Variants in MARCHF6 observed in about 807,000 individuals in gnomAD.
The protein encoded by MARCHF6 is membrane associated ring-CH-type finger 6.
A neutral mutation model predicts 133.7 loss-of-function variants in MARCHF6; 31 were observed. That is an observed-to-expected ratio of 0.23 (90% CI 0.17 to 0.31). The LOEUF (loss-of-function observed/expected upper bound fraction) is 0.31, where lower values mean the gene tolerates loss of function less well. MARCHF6 is among the 10% of genes least tolerant of loss of function. MARCHF6 has a pLI of 1.00. For missense variants in MARCHF6, 723 were observed against 1,121.6 expected (o/e 0.64, Z 5.08); for synonymous variants, 395 against 402.5 (o/e 0.98, Z 0.22).
intron 24 of MARCHF6, 123 bp from the exon 25 acceptor site, chr5:10,429,770 A>G (rs531265292): frequency 4.1e-6 from 3 of 737,800 alleles, no homozygotes; most frequent in Admixed American, 2.7e-5. Flanking sequence ...GTAGAAAGTT[A>G]ACAGACCTGG....
chr5:10,420,216 G>A (rs1378872770), intron 22 of MARCHF6, among the ~76,000 whole-genome samples: 1 of 152,214 alleles, frequency 6.6e-6, no homozygotes, highest in Non-Finnish European at 1.5e-5. Flanking sequence ...ATGACCCCAT[G>A]TCAGAAGGCC....
At chr5:10,390,568 C>T (rs2126728304) in intron 6 of MARCHF6, 68 bp downstream of exon 6, 1 of 1,410,972 alleles carries the variant, frequency 7.1e-7, no homozygotes, top group Non-Finnish European at 9.7e-7. Context: ...CTCTCTGAGA[C>T]TCAAACTCTT....
chr5:10,375,166 C>T (rs1384679180), intron 1 of MARCHF6, among the ~76,000 whole-genome samples: 2 of 152,180 alleles, frequency 1.3e-5, no homozygotes, highest in Non-Finnish European at 2.9e-5. Flanking sequence ...GAGGGAGAGG[C>T]GCGAGCGGGA....
intron 1 of MARCHF6, among the ~76,000 whole-genome samples, chr5:10,370,555 C>G (rs1169681855): frequency 1.3e-5 from 2 of 152,114 alleles, no homozygotes; most frequent in Admixed American, 1.3e-4. Flanking sequence ...ATTTGCATTT[C>G]TTGAATGACT....
chr5:10,385,924 A>G (rs1197571779), intron 4 of MARCHF6, among the ~76,000 whole-genome samples: 1 of 152,172 alleles, frequency 6.6e-6, no homozygotes, highest in African/African-American at 2.4e-5. Flanking sequence ...ATACAGATAC[A>G]CACAATTTAA....
At chr5:10,362,152 T>C (rs993051377) in intron 1 of MARCHF6, among the ~76,000 whole-genome samples, 2 of 152,246 alleles carry the variant, frequency 1.3e-5, no homozygotes, top group Non-Finnish European at 2.9e-5. Flanking sequence ...TAATAAAGTA[T>C]AATTTACACA....
chr5:10,384,503 C>T (rs553994575), intron 4 of MARCHF6, among the ~76,000 whole-genome samples: 1 of 152,158 alleles, frequency 6.6e-6, no homozygotes, highest in Non-Finnish European at 1.5e-5. Flanking sequence ...ATACTAAGCT[C>T]TCCGTATCTG....
chr5:10,397,360 G>GT lies in MARCHF6; in HGVS notation c.913+16_913+17insT, dbSNP rs1487003703. On this transcript the variant is annotated intron_variant, in intron 10 of 25. Coordinates refer to ENST00000274140, the MANE Select transcript of MARCHF6 (RefSeq NM_005885.4). Reference sequence around the variant, plus strand: ...CTTGTTTTTGGTAAGTTGTGTTTGTGCTTTTTTTTTTTATAGTATTATGGT... The same window carrying GT: ...CTTGTTTTTGGTAAGTTGTGTTTGTGTCTTTTTTTTTTTATAGTATTATGGT... 3.3e-6 allele frequency: 5 copies of GT among 1,538,436 alleles called. No homozygotes were observed. Among genetic ancestry groups the GT allele is most frequent in the East Asian group, 2.4e-5 (1 of 42,340 alleles).
Position 10,436,259 on chromosome 5 carries a change from A to T in MARCHF6, c.*2575A>T, listed in dbSNP as rs1266530581. ...AAAAATTGCCCTCCATTTTACTGGCAGGTAATTTATATTGTCTTACTTAAG... is the reference window on the plus strand; with the variant it reads ...AAAAATTGCCCTCCATTTTACTGGCTGGTAATTTATATTGTCTTACTTAAG... On this transcript the variant is annotated 3_prime_UTR_variant, in exon 26 of 26. Coordinates refer to ENST00000274140, the MANE Select transcript of MARCHF6 (RefSeq NM_005885.4). 1 of 152,174 alleles carries T rather than the reference A, an allele frequency of 6.6e-6. No homozygotes were observed. Among genetic ancestry groups the T allele is most frequent in the African/African-American group, 2.4e-5 (1 of 41,456 alleles). The allele number at this position is 152,174 out of a possible 1,614,324, so 9.4% of individuals were successfully genotyped here.
chr5:10,406,092 G>T (rs1166742375), intron 16 of MARCHF6, among the ~76,000 whole-genome samples: 1 of 152,150 alleles, frequency 6.6e-6, no homozygotes, highest in East Asian at 1.9e-4. Flanking sequence ...TGGGAACTGC[G>T]AGTGCGAGGG....
intron 1 of MARCHF6, among the ~76,000 whole-genome samples, chr5:10,359,675 T>C (rs1184194919): frequency 6.6e-6 from 1 of 152,162 alleles, no homozygotes; most frequent in Non-Finnish European, 1.5e-5. Context: ...ATCTGTACTT[T>C]AAATAATCTC....
intron 1 of MARCHF6, among the ~76,000 whole-genome samples, chr5:10,371,971 A>G (rs572008986): frequency 2.0e-5 from 3 of 152,234 alleles, no homozygotes; most frequent in East Asian, 1.9e-4. Flanking sequence ...TATCTCCTAA[A>G]AAAGTTAGCT....
rs535139438 is a variant in MARCHF6 at position 10,435,665 on chromosome 5, A to T, written c.*1981A>T. ...TATATATATATATATATATATATAT[A>T]TATATATATATATATATATATATAT... On this transcript the variant is annotated 3_prime_UTR_variant, in exon 26 of 26. Coordinates refer to ENST00000274140, the MANE Select transcript of MARCHF6 (RefSeq NM_005885.4). 5.2e-4 allele frequency: 4 copies of T among 7,704 alleles called. No individual in the cohort carries two copies. The highest frequency in any genetic ancestry group is 3.0e-3 in the African/African-American group (3 of 1,010). The allele number at this position is 7,704 out of a possible 1,614,324, so 0.5% of individuals were successfully genotyped here.
chr5:10,433,546 C>A, intron 25 of MARCHF6, 48 bp from the exon 26 acceptor site: 1 of 1,340,878 alleles, frequency 7.5e-7, no homozygotes, highest in Non-Finnish European at 1.1e-6. Flanking sequence ...GAATGTTTTA[C>A]TCTGTACATT....
intron 9 of MARCHF6, among the ~76,000 whole-genome samples, chr5:10,395,305 AAAAT>A (rs1738126604): frequency 6.6e-6 from 1 of 152,236 alleles, no homozygotes; most frequent in South Asian, 2.1e-4. Flanking sequence ...TTTAGCAAAG[AAAAT>A]AAACCCCAAA....
chr5:10,370,338 T>C (rs949490404), intron 1 of MARCHF6, among the ~76,000 whole-genome samples: 11 of 151,990 alleles, frequency 7.2e-5, no homozygotes, highest in African/African-American at 2.7e-4. Context: ...CCTGGGCTCA[T>C]GTGATCCTCT....
At chr5:10,422,176 CTTGG>C (rs1290319808) in intron 22 of MARCHF6, 1 of 152,146 alleles carries the variant, frequency 6.6e-6, no homozygotes, top group Non-Finnish European at 1.5e-5. Flanking sequence ...CACCACTGGG[CTTGG>C]CTTGGAGGCT....
intron 4 of MARCHF6, chr5:10,386,786 G>T: frequency 2.4e-6 from 1 of 416,130 alleles, no homozygotes; most frequent in Non-Finnish European, 4.4e-6. Flanking sequence ...TGCTAAACAT[G>T]ATTGTGTAAC....
At chr5:10,370,227 A>G (rs76883881) in intron 1 of MARCHF6, among the ~76,000 whole-genome samples, 2 of 148,550 alleles carry the variant, frequency 1.3e-5, no homozygotes, top group Admixed American at 1.4e-4. Flanking sequence ...TAGCCTCCTG[A>G]GTAGCTGGGA....
Sources: gnomAD v4.1 joint callset for allele counts (sites outside exome capture counted in the v4.1 genomes callset) on GRCh38, gnomAD v4.1.1 for gene constraint, MANE v1.5 for transcripts, NCBI Gene and HGNC (gene_info 2026-07-23, HGNC 2026-07-21) for gene names.